DARS1: variants seen among roughly 807,000 people sequenced by gnomAD.
DARS1 encodes the protein aspartate--tRNA ligase, cytoplasmic.
Under a neutral mutation model 68.8 loss-of-function variants are expected in DARS1, and 51 were observed. The ratio of observed to expected loss-of-function variants is 0.74; its 90% CI spans 0.59 to 0.94. DARS1 has a LOEUF of 0.94. Among genes scored for constraint, DARS1 ranks in the 40% least tolerant of loss-of-function variants. DARS1 has a pLI of 0.00. For synonymous variants in DARS1, 203 were observed against 190.4 expected, an observed-to-expected ratio of 1.07 and a Z score of -0.55; for missense variants, 607 against 597.3, an observed-to-expected ratio of 1.02 and a Z score of -0.17.
chr2:135,921,584 T>C lies in DARS1; in HGVS notation c.812-984A>G, dbSNP rs552969196. ...TGGTATAGGACAATCTGATCATTCA[T>C]TGTGAAAATTATTTGATTATTCCCT... On this transcript the variant is annotated intron_variant, in intron 9 of 15. Transcript: ENST00000264161. Among the ~76,000 whole-genome samples, 26 of 152,346 alleles carry C rather than the reference T, an allele frequency of 1.7e-4. No homozygotes were observed. The South Asian group carries it at 5.2e-3, about 30-fold the overall frequency.
Position 135,914,476 on chromosome 2 carries a change from T to C in DARS1, c.1142A>G (p.Lys381Arg), listed in dbSNP as rs1417864614. The change falls in exon 12 of 16, where the codon AAG becomes AGG. Residue 381 changes from lysine (K) to arginine (R), a missense_variant. Transcript: ENST00000264161. ...GCATATAAAGAGTCCTACCTTTTCC[T>C]TTACCAAATGACCCAACAGCTTTTC... Reference protein sequence around the residue: ...PNEKLLGHLVKEKYDTDFYIL... With the variant: ...PNEKLLGHLVREKYDTDFYIL... The C allele has an allele frequency of 1.4e-6, 2 of 1,424,718 alleles. No homozygotes were observed. The highest frequency in any genetic ancestry group is 2.0e-6 in the Non-Finnish European group (2 of 1,007,426). The allele number at this position is 1,424,718 out of a possible 1,614,324, so 88.3% of individuals were successfully genotyped here.
rs114841878 is a variant in DARS1, at chr2:135,924,713, G to A, written c.565-215C>T. Among the ~76,000 whole-genome samples, 1,326 of 152,218 alleles carry A rather than the reference G, an allele frequency of 8.7e-3. 27 individuals are homozygous for A. The highest frequency in any genetic ancestry group is 0.03 in the African/African-American group (1,248 of 41,542). The stretch of plus-strand genomic sequence containing the variant: ...TATGATCATATAAAGGAATTTCACC[G>A]GAAATCCTTAGTGAGCAGATGTTTT... On this transcript the variant is annotated intron_variant, in intron 7 of 15. Coordinates refer to ENST00000264161, the MANE Select transcript of DARS1 (RefSeq NM_001349.4).
Position 135,976,782 on chromosome 2 carries a change from C to CAA in DARS1, c.217+2490_217+2491dup, listed in dbSNP as rs10598545. ...TGCTCAGCCAGTAATGCAAATATTC[C>CAA]AAAAAAAAAAAAAAAAAAAATCCAA... is the stretch of plus-strand genomic sequence containing the variant. On this transcript the variant is annotated intron_variant, in intron 3 of 15. Coordinates refer to ENST00000264161, the MANE Select transcript of DARS1 (RefSeq NM_001349.4). 7.7e-3 allele frequency among the ~76,000 whole-genome samples: 807 copies of CAA among 104,516 alleles called. 6 individuals are homozygous for CAA. The highest frequency in any genetic ancestry group is 0.023 in the African/African-American group (741 of 32,160). 68.6% of individuals were successfully genotyped at this position (104,516 alleles called of 152,430 possible). A position where few individuals can be genotyped will look rare whatever the true frequency, so the allele number is the denominator to read the frequency against.
intron 7 of DARS1, among the ~76,000 whole-genome samples, chr2:135,926,399 G>C (rs1461735584): frequency 6.6e-6 from 1 of 152,068 alleles, no homozygotes; most frequent in East Asian, 1.9e-4. Context: ...TTTCTCATTA[G>C]TTTCTTCAAG....
At chr2:135,945,392 T>A (rs1322368944) in intron 4 of DARS1, among the ~76,000 whole-genome samples, 1 of 152,132 alleles carries the variant, frequency 6.6e-6, no homozygotes, top group African/African-American at 2.4e-5. Flanking sequence ...CCTCCCAAAC[T>A]GCTGGGATTA....
Position 135,907,242 on chromosome 2 carries a change from C to CTTTGTTTTTTTTTTTTTTTTTT in DARS1, c.*73_*74insAAAAAAAAAAAAAAAAAACAAA. ...TACTGAAAAGAATAAGTGTGGCTTTCTTTTTTTTTTTTTTTTTTTGAGGCA... is the reference window on the plus strand; with the variant it reads ...TACTGAAAAGAATAAGTGTGGCTTTCTTTGTTTTTTTTTTTTTTTTTTTTTTTTTTTTTTTTTTTTTGAGGCA... On this transcript the variant is annotated 3_prime_UTR_variant, in exon 16 of 16. Transcript: ENST00000264161. 2.4e-6 allele frequency: 1 copy of CTTTGTTTTTTTTTTTTTTTTTT among 423,200 alleles called. No individual in the cohort carries two copies. The highest frequency in any genetic ancestry group is 5.4e-5 in the East Asian group (1 of 18,506). 26.2% of individuals were successfully genotyped at this position (423,200 alleles called of 1,614,324 possible). A position where few individuals can be genotyped will look rare whatever the true frequency, so the allele number is the denominator to read the frequency against.
intron 3 of DARS1, among the ~76,000 whole-genome samples, chr2:135,970,459 C>A (rs959664108): frequency 1.3e-5 from 2 of 151,420 alleles, no homozygotes; most frequent in Non-Finnish European, 2.9e-5. Flanking sequence ...AAACAACATG[C>A]CAAAACATAT....
chr2:135,907,242 C>CTTTTTTT lies in DARS1; in HGVS notation c.*67_*73dup, dbSNP rs992435404. The CTTTTTTT allele has an allele frequency of 1.7e-4, 77 of 453,706 alleles. 1 individual carries two copies. Among genetic ancestry groups the CTTTTTTT allele is most frequent in the East Asian group, 6.5e-4 (13 of 20,152 alleles). 28.1% of individuals were successfully genotyped at this position (453,706 alleles called of 1,614,324 possible). Reference sequence around the variant, plus strand: ...TACTGAAAAGAATAAGTGTGGCTTTCTTTTTTTTTTTTTTTTTTTGAGGCA... The same window carrying CTTTTTTT: ...TACTGAAAAGAATAAGTGTGGCTTTCTTTTTTTTTTTTTTTTTTTTTTTTTTGAGGCA... On this transcript the variant is annotated 3_prime_UTR_variant, in exon 16 of 16. Transcript: ENST00000264161.
chr2:135,912,560 T>C lies in DARS1; in HGVS notation c.1156A>G (p.Thr386Ala). 2 of 876,648 alleles carry C rather than the reference T, an allele frequency of 2.3e-6. No homozygotes were observed. The highest frequency in any genetic ancestry group is 4.0e-5 in the Admixed American group (2 of 49,562). 54.3% of individuals were successfully genotyped at this position (876,648 alleles called of 1,614,324 possible). Reference sequence around the variant, plus strand: ...TATTTATCAAGAATATAAAAATCTGTATCATACTATAAAAAGAATAAATGC... The same window carrying C: ...TATTTATCAAGAATATAAAAATCTGCATCATACTATAAAAAGAATAAATGC... ...LGHLVKEKYD[T>A]DFYILDKYPL... The change falls in exon 13 of 16, where the codon ACA becomes GCA. Residue 386 changes from threonine (T) to alanine (A), a missense_variant. Physicochemically the swap from Thr to Ala is moderately conservative, Grantham distance 58 (BLOSUM62 0). Coordinates refer to ENST00000264161, the MANE Select transcript of DARS1 (RefSeq NM_001349.4).
At chr2:135,935,492 C>T (rs964986083) in intron 5 of DARS1, among the ~76,000 whole-genome samples, 8 of 151,816 alleles carry the variant, frequency 5.3e-5, no homozygotes, top group Admixed American at 3.9e-4. Flanking sequence ...CCCAGCTACT[C>T]GGGAGGCTGA....
At chr2:135,975,967 A>C (rs985845123) in intron 3 of DARS1, among the ~76,000 whole-genome samples, 6 of 152,104 alleles carry the variant, frequency 3.9e-5, no homozygotes, top group African/African-American at 1.4e-4. Flanking sequence ...CAACCAAAAA[A>C]ACCCACAAAT....
At chr2:135,938,439 C>T (rs914585494) in intron 5 of DARS1, among the ~76,000 whole-genome samples, 1 of 152,062 alleles carries the variant, frequency 6.6e-6, no homozygotes, top group African/African-American at 2.4e-5. Context: ...TTCAAACATC[C>T]TCCTTTAGCT....
At chr2:135,928,102 C>T (rs945651469) in intron 7 of DARS1, among the ~76,000 whole-genome samples, 3 of 152,130 alleles carry the variant, frequency 2.0e-5, no homozygotes, top group Non-Finnish European at 4.4e-5. Context: ...TAGTACTTAG[C>T]GCCTTACAAT....
At position 135,914,503 on chromosome 2, in the gene DARS1, T is replaced by C; in HGVS notation, c.1115A>G (p.Asn372Ser). ...TACCAAATGACCCAACAGCTTTTCA[T>C]TTGGTGTGCTGAAAAAGAAACGTGA... Reference protein sequence around the residue: ...MGDEDDLSTPNEKLLGHLVKE... With the variant: ...MGDEDDLSTPSEKLLGHLVKE... The change falls in exon 12 of 16, where the codon AAT becomes AGT. Residue 372 changes from asparagine (N) to serine (S), a missense_variant. Asn to Ser is a conservative substitution (Grantham distance 46). Coordinates refer to ENST00000264161, the MANE Select transcript of DARS1 (RefSeq NM_001349.4). 1 of 1,450,388 alleles carries C rather than the reference T, an allele frequency of 6.9e-7. No individual in the cohort carries two copies. 89.8% of individuals were successfully genotyped at this position (1,450,388 alleles called of 1,614,324 possible).
intron 4 of DARS1, among the ~76,000 whole-genome samples, chr2:135,949,023 AC>A (rs1681785500): frequency 6.6e-6 from 1 of 152,178 alleles, no homozygotes; most frequent in Non-Finnish European, 1.5e-5. Flanking sequence ...TGAGAAACAT[AC>A]TTGTGACTCA....
At chr2:135,959,347 C>T (rs905962277) in intron 4 of DARS1, among the ~76,000 whole-genome samples, 22 of 128,652 alleles carry the variant, frequency 1.7e-4, no homozygotes, top group African/African-American at 4.0e-4. Context: ...GCGGAGACCA[C>T]GCCATTGCAC....
At chr2:135,944,025 G>A (rs1236469273) in intron 4 of DARS1, among the ~76,000 whole-genome samples, 1 of 152,116 alleles carries the variant, frequency 6.6e-6, no homozygotes, top group Non-Finnish European at 1.5e-5. Flanking sequence ...ATTGGATTGT[G>A]TACTCCCATT....
intron 2 of DARS1, among the ~76,000 whole-genome samples, chr2:135,982,529 G>A (rs1485940661): frequency 6.6e-6 from 1 of 151,364 alleles, no homozygotes; most frequent in African/African-American, 2.4e-5. Flanking sequence ...TTGGGAGGCG[G>A]AAGTTGAAGT....
intron 13 of DARS1, 130 bp from the exon 14 acceptor site, chr2:135,911,623 T>C (rs954270719): frequency 4.9e-6 from 3 of 608,868 alleles, no homozygotes; most frequent in Non-Finnish European, 8.8e-6. Flanking sequence ...AATCTTGTTC[T>C]CTAAAGTAGA....
Sources: gnomAD v4.1 joint callset for allele counts (sites outside exome capture counted in the v4.1 genomes callset) on GRCh38, gnomAD v4.1.1 for gene constraint, MANE v1.5 for transcripts, NCBI Gene and HGNC (gene_info 2026-07-23, HGNC 2026-07-21) for gene names.